HEATR3: variants seen among roughly 807,000 people sequenced by gnomAD.
HEATR3 encodes HEAT repeat containing 3.
A neutral mutation model predicts 72.8 loss-of-function variants in HEATR3; 56 were observed. That is an observed-to-expected ratio of 0.77 (90% CI 0.62 to 0.96). The LOEUF is 0.96. HEATR3 is among the 40% of genes least tolerant of loss of function. The probability of loss-of-function intolerance (pLI) is 0.00; values close to 1 mark genes in which losing one functional copy is unlikely to be tolerated. For missense variants in HEATR3, 747 were observed against 831.4 expected, an observed-to-expected ratio of 0.90 and a Z score of 1.25; for synonymous variants, 331 against 318.1, an observed-to-expected ratio of 1.04 and a Z score of -0.43.
At chr16:50,072,481 G>C in intron 4 of HEATR3, 124 bp from the exon 5 acceptor site, 1 of 629,530 alleles carries the variant, frequency 1.6e-6, no homozygotes, top group Non-Finnish European at 2.8e-6. Context: ...CGATAAAAAT[G>C]GTGGGTGTTT....
chr16:50,086,361 C>CTTTAT lies in HEATR3; in HGVS notation c.1510+12_1510+16dup, dbSNP rs1335309084. On this transcript the variant is annotated intron_variant, in intron 11 of 14. Transcript: ENST00000299192. ...CTTTTTTCTCAACCAGGTATTTAGA[C>CTTTAT]TTTATTGCGAAAGACTACGCAGACG... 2.5e-6 allele frequency: 4 copies of CTTTAT among 1,602,268 alleles called. No homozygotes were observed. Among genetic ancestry groups the CTTTAT allele is most frequent in the Non-Finnish European group, 3.4e-6 (4 of 1,175,160 alleles).
chr16:50,104,882 T>C, intron 14 of HEATR3, 57 bp from the exon 15 acceptor site: 12 of 1,441,552 alleles, frequency 8.3e-6, no homozygotes, highest in Non-Finnish European at 1.0e-5. Flanking sequence ...ATACTTTATT[T>C]AAATGAATTA....
At chr16:50,075,092 AG>A (rs764277017) in intron 5 of HEATR3, 1 of 152,730 alleles carries the variant, frequency 6.5e-6, no homozygotes, top group Non-Finnish European at 1.5e-5. Context: ...CGAAACGGAC[AG>A]ATCACTTGAG....
At chr16:50,083,386 A>G (rs779943506) in intron 7 of HEATR3, among the ~76,000 whole-genome samples, 7 of 152,162 alleles carry the variant, frequency 4.6e-5, no homozygotes, top group Non-Finnish European at 1.0e-4. Flanking sequence ...CTTTAGTCTT[A>G]GAGAAATGCT....
chr16:50,085,858 C>T (rs2036974931), intron 10 of HEATR3, among the ~76,000 whole-genome samples: 1 of 151,734 alleles, frequency 6.6e-6, no homozygotes, highest in Admixed American at 6.6e-5. Context: ...AGCAAGACCC[C>T]TATCTACAAA....
At chr16:50,086,072 T>A in intron 10 of HEATR3, 143 bp from the exon 11 acceptor site, 2 of 730,592 alleles carry the variant, frequency 2.7e-6, no homozygotes, top group South Asian at 4.3e-5. Context: ...CAGTTCACCT[T>A]GTGATTCTTT....
chr16:50,096,896 C>T (rs1365948478), intron 12 of HEATR3, among the ~76,000 whole-genome samples: 1 of 152,140 alleles, frequency 6.6e-6, no homozygotes, highest in African/African-American at 2.4e-5. Context: ...CCCCTCCTTT[C>T]CCCATACACT....
chr16:50,101,001 G>A (rs1052025738), intron 13 of HEATR3, among the ~76,000 whole-genome samples: 3 of 152,058 alleles, frequency 2.0e-5, no homozygotes, highest in East Asian at 3.9e-4. Flanking sequence ...TGAGACTAGT[G>A]GATAATAAAC....
intron 2 of HEATR3, among the ~76,000 whole-genome samples, chr16:50,067,524 G>GC (rs398078626): frequency 6.3e-5 from 1 of 15,894 alleles, no homozygotes; most frequent in Non-Finnish European, 1.8e-4. Flanking sequence ...AGAGAGGGTA[G>GC]GTAGGTGGCT....
intron 12 of HEATR3, 67 bp downstream of exon 12, chr16:50,094,860 A>T: frequency 3.7e-6 from 3 of 806,358 alleles, no homozygotes; most frequent in Non-Finnish European, 6.1e-6. Flanking sequence ...AAAATTCATT[A>T]CTTCACTATT....
chr16:50,102,516 C>T, intron 14 of HEATR3, 81 bp downstream of exon 14: 1 of 1,270,216 alleles, frequency 7.9e-7, no homozygotes, highest in Non-Finnish European at 1.1e-6. Context: ...CGCTGTGCAA[C>T]TCAGAAGCAT....
In HEATR3 at chr16:50,105,267, T is replaced by C. The variant is rs2037459165; in HGVS notation, c.*206T>C. The C allele has an allele frequency of 2.2e-6, 1 of 462,430 alleles. No individual in the cohort carries two copies. Among genetic ancestry groups the C allele is most frequent in the Admixed American group, 4.0e-5 (1 of 24,974 alleles). 28.6% of individuals were successfully genotyped at this position (462,430 alleles called of 1,614,324 possible). ...GGGAGACCGAGGCGGGTGGATCACTTGAGGTCAGGAGTTTGAGGCCAGCCT... is the reference window on the plus strand; with the variant it reads ...GGGAGACCGAGGCGGGTGGATCACTCGAGGTCAGGAGTTTGAGGCCAGCCT... On this transcript the variant is annotated 3_prime_UTR_variant, in exon 15 of 15. Transcript: ENST00000299192.
chr16:50,083,841 C>A (rs1019341936), intron 7 of HEATR3, 96 bp from the exon 8 acceptor site: 2 of 1,132,454 alleles, frequency 1.8e-6, no homozygotes, highest in East Asian at 4.9e-5. Context: ...ATTCCAAGCG[C>A]AAAAATCTTC....
Position 50,072,616 on chromosome 16 carries a change from G to C in HEATR3, c.524G>C (p.Ser175Thr). The change falls in exon 5 of 15, where the codon AGT becomes ACT. Residue 175 changes from serine (S) to threonine (T), a missense_variant. Transcript: ENST00000299192. ...NVLWNICECSSRAVSIFNKEG... is the reference protein window; with the variant it reads ...NVLWNICECSTRAVSIFNKEG... ...CCCCTTCAATTTAGTGAATGCAGTA[G>C]TAGAGCAGTGTCTATATTCAACAAA... The C allele has an allele frequency of 1.2e-6, 2 of 1,604,130 alleles. No homozygotes were observed. The highest frequency in any genetic ancestry group is 1.7e-6 in the Non-Finnish European group (2 of 1,171,218).
rs192354708 is a variant in HEATR3, at chr16:50,100,717, G to T, written c.1743+344G>T. 3.6e-3 allele frequency: 962 copies of T among 267,646 alleles called. 3 individuals carry two copies. Among genetic ancestry groups the T allele is most frequent in the Non-Finnish European group, 4.2e-3 (592 of 141,094 alleles). The allele number at this position is 267,646 out of a possible 1,614,324, so 16.6% of individuals were successfully genotyped here. A position where few individuals can be genotyped will look rare whatever the true frequency, so the allele number is the denominator to read the frequency against. On this transcript the variant is annotated intron_variant, in intron 13 of 14. Transcript: ENST00000299192. ...CAATGTATGCATGTTACATTCTCCT[G>T]CTGATGAATGAACAATCCACACCAT...
chr16:50,070,252 C>T lies in HEATR3; in HGVS notation c.474C>T (p.Asn158=), dbSNP rs750172592. The change falls in exon 4 of 15, where the codon AAC becomes AAT. Residue 158 remains asparagine, a synonymous_variant. Transcript: ENST00000299192. ...KKDQNRNSIE[N]IANETVNVLW... ...ATCAGAACAGAAATTCTATTGAGAA[C>T]ATAGCCAATGAGACTGTGAACGTGC... 6.2e-7 allele frequency: 1 copy of T among 1,607,126 alleles called. No homozygotes were observed. Among genetic ancestry groups the T allele is most frequent in the Non-Finnish European group, 8.5e-7 (1 of 1,174,612 alleles).
At chr16:50,079,083 C>G in intron 7 of HEATR3, 65 bp downstream of exon 7, 1 of 1,479,506 alleles carries the variant, frequency 6.8e-7, no homozygotes, top group Non-Finnish European at 9.1e-7. Context: ...AGCAGTTATC[C>G]TTGGCTTTGC....
chr16:50,091,165 A>G (rs2037100682), intron 11 of HEATR3, among the ~76,000 whole-genome samples: 1 of 151,284 alleles, frequency 6.6e-6, no homozygotes, highest in African/African-American at 2.4e-5. Flanking sequence ...TAATTAATTA[A>G]AAATAAGAAA....
intron 4 of HEATR3, among the ~76,000 whole-genome samples, chr16:50,071,473 C>G (rs1436348330): frequency 6.6e-6 from 1 of 152,158 alleles, no homozygotes; most frequent in African/African-American, 2.4e-5. Flanking sequence ...GAAATTGTTG[C>G]ATTTGGAAGT....
Sources: gnomAD v4.1 joint callset for allele counts (sites outside exome capture counted in the v4.1 genomes callset) on GRCh38, gnomAD v4.1.1 for gene constraint, MANE v1.5 for transcripts, NCBI Gene and HGNC (gene_info 2026-07-23, HGNC 2026-07-21) for gene names.